LCP2: variants seen among roughly 807,000 people sequenced by gnomAD.
The protein encoded by LCP2 is lymphocyte cytosolic protein 2.
LCP2 carries 29 observed loss-of-function variants against 74.5 expected under a neutral mutation model. The ratio of observed to expected loss-of-function variants is 0.39; its 90% CI spans 0.29 to 0.53. The LOEUF (loss-of-function observed/expected upper bound fraction) is 0.53. LCP2 is among the 20% of genes least tolerant of loss of function. The pLI, the probability that LCP2 is intolerant of heterozygous loss-of-function variation, is 0.72. For synonymous variants in LCP2, 228 were observed against 229.5 expected (o/e 0.99, Z 0.06); for missense variants, 604 against 634.6 (o/e 0.95, Z 0.52).
intron 6 of LCP2, among the ~76,000 whole-genome samples, chr5:170,272,597 C>CTTTCTTTTTTTT (rs1761913938): frequency 2.5e-5 from 1 of 40,342 alleles, no homozygotes; most frequent in East Asian, 1.3e-3. Context: ...CAAATATTTT[C>CTTTCTTTTTTTT]TTTTTTTTTT....
Position 170,275,770 on chromosome 5 carries a change from G to C in LCP2, c.254+25C>G, listed in dbSNP as rs748029843. On this transcript the variant is annotated intron_variant, in intron 4 of 20. Coordinates refer to ENST00000046794, the MANE Select transcript of LCP2 (RefSeq NM_005565.5). ...TCAACTCGGGACTGAAAAATCTTGCGTTTCCTTACACCAGCCGCACTCACT... is the reference window on the plus strand; with the variant it reads ...TCAACTCGGGACTGAAAAATCTTGCCTTTCCTTACACCAGCCGCACTCACT... 1.9e-6 allele frequency: 3 copies of C among 1,562,822 alleles called. No individual in the cohort carries two copies. The African/African-American group carries it at 4.1e-5, about 21-fold the overall frequency.
intron 2 of LCP2, among the ~76,000 whole-genome samples, 154 bp downstream of exon 2, chr5:170,293,156 A>G (rs1762318121): frequency 6.6e-6 from 1 of 152,200 alleles, no homozygotes; most frequent in Non-Finnish European, 1.5e-5. Flanking sequence ...AGGATCCTGA[A>G]AGGTAGTGAG....
At chr5:170,277,545 G>C (rs315735) in intron 3 of LCP2, among the ~76,000 whole-genome samples, 1 of 151,812 alleles carries the variant, frequency 6.6e-6, no homozygotes, top group Non-Finnish European at 1.5e-5. Flanking sequence ...TCAGGAGTTC[G>C]AGACCAGCCT....
intron 7 of LCP2, among the ~76,000 whole-genome samples, chr5:170,270,081 C>T (rs1012101611): frequency 1.3e-5 from 2 of 152,052 alleles, no homozygotes; most frequent in Non-Finnish European, 2.9e-5. Context: ...CTGTCAACAC[C>T]ACTACTAGAA....
Position 170,270,880 on chromosome 5 carries a change from T to A in LCP2, c.362A>T (p.Asp121Val). ...DDYESPNDDQ[D>V]GEDDGDYESP... ...CTCATAGTCTCCATCATCCTCCCCA[T>A]CCTGGTCATCATTGGGACTTTCATA... is the stretch of plus-strand genomic sequence containing the variant. Residue 121 changes from aspartate to valine, a missense_variant, in exon 7 of 21, where the codon GAT becomes GTT. Physicochemically the swap from Asp to Val is radical, Grantham distance 152. Transcript: ENST00000046794. 6.2e-7 allele frequency: 1 copy of A among 1,612,984 alleles called. No individual in the cohort carries two copies. The highest frequency in any genetic ancestry group is 1.1e-5 in the South Asian group (1 of 90,734).
At chr5:170,292,555 A>C (rs1410509574) in intron 2 of LCP2, among the ~76,000 whole-genome samples, 1 of 152,182 alleles carries the variant, frequency 6.6e-6, no homozygotes, top group African/African-American at 2.4e-5. Context: ...AGCTTACTCT[A>C]TTCACTCTGA....
At position 170,262,515 on chromosome 5, in the gene LCP2, G is replaced by A. The variant is rs2338871; in HGVS notation, c.926+120C>T. The A allele has an allele frequency of 0.2, 135,251 of 686,120 alleles. 14,527 individuals carry two copies. Among genetic ancestry groups the A allele is most frequent in the East Asian group, 0.29 (10,721 of 36,754 alleles). 42.5% of individuals were successfully genotyped at this position (686,120 alleles called of 1,614,324 possible). On this transcript the variant is annotated intron_variant, in intron 13 of 20. Transcript: ENST00000046794. ...CTGAACATCCCTCAAGCCACAGCAA[G>A]AAAAGGCCCACCCTGCCCGGGAGCA...
chr5:170,288,106 G>A, intron 2 of LCP2, 90 bp from the exon 3 acceptor site: 1 of 1,319,758 alleles, frequency 7.6e-7, no homozygotes, highest in Non-Finnish European at 1.1e-6. Flanking sequence ...AACAATATAG[G>A]GAGTGGTGGG....
intron 10 of LCP2, among the ~76,000 whole-genome samples, chr5:170,265,522 G>C (rs1439818086): frequency 6.6e-6 from 1 of 152,236 alleles, no homozygotes; most frequent in Non-Finnish European, 1.5e-5. Flanking sequence ...TTTGATGTCA[G>C]TGTTCCACTT....
chr5:170,286,645 C>T (rs977356370), intron 3 of LCP2, among the ~76,000 whole-genome samples: 5 of 152,168 alleles, frequency 3.3e-5, no homozygotes, highest in Admixed American at 3.3e-4. Flanking sequence ...AAGATCAAGC[C>T]ATCTTCAACA....
At chr5:170,276,136 T>TC (rs1254540456) in intron 3 of LCP2, among the ~76,000 whole-genome samples, 1 of 152,046 alleles carries the variant, frequency 6.6e-6, no homozygotes, top group Non-Finnish European at 1.5e-5. Context: ...AGCTCAGAGC[T>TC]CCCCCTTAAA....
chr5:170,251,654 G>A (rs1289886057), intron 19 of LCP2: 2 of 455,944 alleles, frequency 4.4e-6, no homozygotes, highest in Non-Finnish European at 8.8e-6. Flanking sequence ...CAAGTTAATT[G>A]AGCCTGTCAG....
chr5:170,269,827 C>A (rs1761863070), intron 7 of LCP2, among the ~76,000 whole-genome samples: 1 of 152,192 alleles, frequency 6.6e-6, no homozygotes, highest in Non-Finnish European at 1.5e-5. Context: ...ACTGACTCAT[C>A]CATTGCTTTT....
chr5:170,262,735 C>T lies in LCP2; in HGVS notation c.826G>A (p.Gly276Arg), dbSNP rs902403854. Reference sequence around the variant, plus strand: ...TTTTGAATCTTGGGTAAATGCTCCCCGAGTGACCTGTGGAGTTCAGGAAAA... The same window carrying T: ...TTTTGAATCTTGGGTAAATGCTCCCTGAGTGACCTGTGGAGTTCAGGAAAA... The part of the protein sequence containing the change: ...KPSIPAGRSL[G>R]EHLPKIQKPP... Residue 276 changes from glycine to arginine, a missense_variant, in exon 13 of 21, where the codon GGG (glycine) becomes AGG (arginine). Coordinates refer to ENST00000046794, the MANE Select transcript of LCP2 (RefSeq NM_005565.5). The T allele has an allele frequency of 1.8e-5, 29 of 1,613,694 alleles. No individual in the cohort carries two copies. The highest frequency in any genetic ancestry group is 5.3e-5 in the African/African-American group (4 of 74,926).
rs994730707 is a variant in LCP2 at position 170,253,153 on chromosome 5, T to G, written c.1211A>C (p.Asn404Thr). The G allele has an allele frequency of 6.2e-7, 1 of 1,612,278 alleles. No homozygotes were observed. Among genetic ancestry groups the G allele is most frequent in the Admixed American group, 1.7e-5 (1 of 59,864 alleles). Residue 404 changes from asparagine (N) to threonine (T), a missense_variant, in exon 18 of 21, where the codon AAC becomes ACC. Asn to Thr is a moderately conservative substitution (Grantham distance 65). Coordinates refer to ENST00000046794, the MANE Select transcript of LCP2 (RefSeq NM_005565.5). ...CGCGGGGGATGGGGGCCGAGGTTTG[T>G]TTGGAAGTGGCAAGGGGAAGTTTCT... ...EGRNFPLPLP[N>T]KPRPPSPAEE...
At chr5:170,287,190 T>C (rs1762196670) in intron 3 of LCP2, among the ~76,000 whole-genome samples, 1 of 152,198 alleles carries the variant, frequency 6.6e-6, no homozygotes, top group Admixed American at 6.5e-5. Flanking sequence ...GATGGCTACT[T>C]TTTTCATCAT....
intron 13 of LCP2, among the ~76,000 whole-genome samples, chr5:170,262,254 TC>T (rs1210197576): frequency 2.6e-5 from 4 of 152,046 alleles, no homozygotes. Flanking sequence ...CTGAAAAACC[TC>T]CCCCAACCAT....
chr5:170,288,730 G>A (rs315723), intron 2 of LCP2, among the ~76,000 whole-genome samples: 6 of 152,122 alleles, frequency 3.9e-5, no homozygotes, highest in African/African-American at 1.4e-4. Context: ...TTCCACTTGT[G>A]GGGGATGAGC....
At chr5:170,285,742 C>A (rs2113206224) in intron 3 of LCP2, among the ~76,000 whole-genome samples, 1 of 152,304 alleles carries the variant, frequency 6.6e-6, no homozygotes, top group Admixed American at 6.5e-5. Flanking sequence ...AGTTCTTTTG[C>A]CACCTACAGG....
Sources: allele counts gnomAD v4.1 joint callset (sites outside exome capture counted in the v4.1 genomes callset), GRCh38; gene constraint gnomAD v4.1.1; transcripts MANE v1.5; gene names NCBI Gene and HGNC (gene_info 2026-07-23, HGNC 2026-07-21).